The following GPR19 variants were observed in gnomAD, a reference collection of about 807,000 sequenced individuals.
The protein encoded by GPR19 is G protein-coupled receptor 19.
In GPR19, 14 loss-of-function variants were observed where a neutral mutation model predicts 28.5. That is an observed-to-expected ratio of 0.49 (90% confidence interval 0.32 to 0.77). The LOEUF (loss-of-function observed/expected upper bound fraction) is 0.77, where lower values mean the gene tolerates loss of function less well. Ranked by LOEUF, GPR19 falls within the 30% of genes least tolerant of loss-of-function variation. The probability of loss-of-function intolerance (pLI) is 0.03; values close to 1 mark genes in which losing one functional copy is unlikely to be tolerated. For missense variants in GPR19, 409 were observed against 504.1 expected (o/e 0.81, Z 1.81); for synonymous variants, 173 against 184.1 (o/e 0.94, Z 0.49).
chr12:12,693,080 C>T (rs1026546722), intron 2 of GPR19, among the ~76,000 whole-genome samples: 1 of 152,114 alleles, frequency 6.6e-6, no homozygotes, highest in African/African-American at 2.4e-5. Context: ...ACCTAGAAAC[C>T]AGAATTGTCC....
upstream of GPR19, among the ~76,000 whole-genome samples, chr12:12,699,978 CTTTTTTT>C (rs10716814): frequency 6.4e-4 from 77 of 119,446 alleles, no homozygotes; most frequent in African/African-American, 2.3e-3. Context: ...AGCTTTCTTT[CTTTTTTT>C]TTTTTTTTGT....
At chr12:12,693,420 C>T (rs563273389) in intron 2 of GPR19, among the ~76,000 whole-genome samples, 1 of 152,314 alleles carries the variant, frequency 6.6e-6, no homozygotes, top group South Asian at 2.1e-4. Flanking sequence ...CCCCAACCCA[C>T]TACTGCCATC....
chr12:12,662,759 T>C (rs1268607899), intron 3 of GPR19, among the ~76,000 whole-genome samples: 1 of 152,206 alleles, frequency 6.6e-6, no homozygotes, highest in Non-Finnish European at 1.5e-5. Flanking sequence ...CATATCCTTG[T>C]TCCCTTCACT....
Position 12,690,761 on chromosome 12 carries a change from T to G in GPR19, c.-180+4698A>C, listed in dbSNP as rs184041344. On this transcript the variant is annotated intron_variant, in intron 2 of 3. Transcript: ENST00000651487. ...GACTCTAAATTCTTAGGAGGCAGAGTCTGTTTGACCCAGCCTAACTCAGAT... is the reference window on the plus strand; with the variant it reads ...GACTCTAAATTCTTAGGAGGCAGAGGCTGTTTGACCCAGCCTAACTCAGAT... 7.9e-5 allele frequency among the ~76,000 whole-genome samples: 12 copies of G among 152,252 alleles called. No individual in the cohort carries two copies. The East Asian group carries it at 2.1e-3, about 27-fold the overall frequency.
rs747351905 is a variant in GPR19, at chr12:12,661,485, A to T, written c.964T>A (p.Ser322Thr). ...TACAGAGTAGGTTTAGAGGCTGAAG[A>T]ACTAAAGGATATCCATGTGATAGCT... is the stretch of plus-strand genomic sequence containing the variant. The part of the protein sequence containing the change: ...FTAITWISFS[S>T]SASKPTLYSI... The change falls in exon 4 of 4, where the codon TCT becomes ACT. Residue 322 changes from serine to threonine, a missense_variant. Transcript: ENST00000651487. The surrounding 1 kb of genome is among the most constrained non-coding windows in gnomAD (Gnocchi z 4.2). The T allele has an allele frequency of 6.2e-7, 1 of 1,613,750 alleles. No homozygotes were observed. The highest frequency in any genetic ancestry group is 1.3e-5 in the African/African-American group (1 of 74,924).
chr12:12,680,575 C>A (rs1327849341), intron 3 of GPR19, among the ~76,000 whole-genome samples: 3 of 152,136 alleles, frequency 2.0e-5, no homozygotes, highest in Admixed American at 2.0e-4. Context: ...GGAGTGATCA[C>A]CGCTCACTGC....
At position 12,680,277 on chromosome 12, in the gene GPR19, A is replaced by T. The variant is rs910899539; in HGVS notation, c.-23+4074T>A. Among the ~76,000 whole-genome samples, 5 of 152,360 alleles carry T rather than the reference A, an allele frequency of 3.3e-5. No homozygotes were observed. The East Asian group carries it at 9.6e-4, about 29-fold the overall frequency. On this transcript the variant is annotated intron_variant, in intron 3 of 3. Coordinates refer to ENST00000651487, the MANE Select transcript of GPR19 (RefSeq NM_006143.3). ...CTGACTCTACCTGCCGTCTGTGGACATTGAATAGGTAAGTTAATCTCTTTG... is the reference window on the plus strand; with the variant it reads ...CTGACTCTACCTGCCGTCTGTGGACTTTGAATAGGTAAGTTAATCTCTTTG...
At chr12:12,680,328 G>C (rs1945999506) in intron 3 of GPR19, among the ~76,000 whole-genome samples, 1 of 152,136 alleles carries the variant, frequency 6.6e-6, no homozygotes, top group Admixed American at 6.5e-5. Context: ...AGCTAAAATT[G>C]GGGCTAATAA....
At chr12:12,681,432 G>T in intron 3 of GPR19, among the ~76,000 whole-genome samples, 1 of 152,306 alleles carries the variant, frequency 6.6e-6, no homozygotes, top group South Asian at 2.1e-4. Flanking sequence ...CTCCTCAAGG[G>T]GAAGCCTCTC....
the GPR19 span, among the ~76,000 whole-genome samples, chr12:12,708,133 G>C: frequency 6.6e-6 from 1 of 151,004 alleles, no homozygotes; most frequent in Admixed American, 6.6e-5. Flanking sequence ...CTGAGTAGCT[G>C]AGACTCCAAG....
At chr12:12,667,895 A>G (rs182335825) in intron 3 of GPR19, among the ~76,000 whole-genome samples, 243 of 152,314 alleles carry the variant, frequency 1.6e-3, no homozygotes, top group Middle Eastern at 0.014. Context: ...TAGCTATTAA[A>G]AAAGGTTTAA....
intron 2 of GPR19, among the ~76,000 whole-genome samples, chr12:12,695,072 A>G (rs1946243337): frequency 6.6e-6 from 1 of 152,118 alleles, no homozygotes; most frequent in Non-Finnish European, 1.5e-5. Context: ...GTGGCTTTCC[A>G]TATTTAGTTT....
At chr12:12,679,655 G>GAA (rs1945989103) in intron 3 of GPR19, among the ~76,000 whole-genome samples, 1 of 91,326 alleles carries the variant, frequency 1.1e-5, no homozygotes, top group Non-Finnish European at 2.5e-5. Context: ...CCTTGTCTCT[G>GAA]GAAAAAAAAA....
intron 2 of GPR19, among the ~76,000 whole-genome samples, chr12:12,686,211 A>G (rs1566159348): frequency 6.6e-6 from 1 of 152,228 alleles, no homozygotes; most frequent in African/African-American, 2.4e-5. Flanking sequence ...AAAACTTTGT[A>G]AGCAAAGAGG....
At chr12:12,703,272 C>A in the GPR19 span, 1 of 508,154 alleles carries the variant, frequency 2.0e-6, no homozygotes, top group Non-Finnish European at 2.5e-6. Context: ...TACCTAATTT[C>A]AACTTGCCTC....
At chr12:12,672,608 G>A (rs188574724) in intron 3 of GPR19, among the ~76,000 whole-genome samples, 9 of 152,228 alleles carry the variant, frequency 5.9e-5, no homozygotes, top group East Asian at 3.9e-4. Context: ...TTAGCCAGAC[G>A]TGATGGTGGG....
At chr12:12,678,695 G>A (rs1945974252) in intron 3 of GPR19, among the ~76,000 whole-genome samples, 1 of 152,164 alleles carries the variant, frequency 6.6e-6, no homozygotes, top group African/African-American at 2.4e-5. Flanking sequence ...ATAACTTTAT[G>A]TACATTTTAT....
At chr12:12,672,355 A>G (rs1449088585) in intron 3 of GPR19, among the ~76,000 whole-genome samples, 1 of 152,200 alleles carries the variant, frequency 6.6e-6, no homozygotes, top group Non-Finnish European at 1.5e-5. Context: ...CCGTGTATAC[A>G]GGACACAGCT....
chr12:12,704,732 C>T, the GPR19 span, among the ~76,000 whole-genome samples: 1 of 152,084 alleles, frequency 6.6e-6, no homozygotes, highest in African/African-American at 2.4e-5. Flanking sequence ...CAGTTCTGGC[C>T]TTGTGCTGCC....
Sources: allele counts gnomAD v4.1 joint callset (sites outside exome capture counted in the v4.1 genomes callset), GRCh38; gene constraint gnomAD v4.1.1; non-coding constraint Gnocchi (gnomAD v3.1); transcripts MANE v1.5; gene names NCBI Gene and HGNC (gene_info 2026-07-23, HGNC 2026-07-21).